The following WDR91 variants were observed in gnomAD, a reference collection of about 807,000 sequenced individuals.
WDR91 encodes WD repeat domain 91.
In WDR91, 52 loss-of-function variants were observed where a neutral mutation model predicts 88.4. The observed-to-expected ratio is 0.59, with a 90% CI of 0.47 to 0.74. WDR91 has a LOEUF of 0.74. Ranked by LOEUF, WDR91 falls within the 30% of genes least tolerant of loss-of-function variation. The probability of loss-of-function intolerance (pLI) is 0.00; values close to 1 mark genes in which losing one functional copy is unlikely to be tolerated. For missense variants in WDR91, 824 were observed against 954.5 expected, an observed-to-expected ratio of 0.86 and a Z score of 1.80; for synonymous variants, 362 against 389.5, an observed-to-expected ratio of 0.93 and a Z score of 0.83.
At chr7:135,206,337 T>C (rs1262746126) in intron 4 of WDR91, among the ~76,000 whole-genome samples, 1 of 151,930 alleles carries the variant, frequency 6.6e-6, no homozygotes, top group Non-Finnish European at 1.5e-5. Context: ...GAAAAATAGC[T>C]CCACCCAACC....
chr7:135,193,347 C>T lies in WDR91; in HGVS notation c.1543G>A (p.Ala515Thr), dbSNP rs377738102. ...PNGASFVCSA[A>T]APSLTSQVDF... ...ACCTGGGAAGTGAGGCTCGGAGCTGCTGCCGAACAGACGAAAGAGGCCCCG... is the reference window on the plus strand; with the variant it reads ...ACCTGGGAAGTGAGGCTCGGAGCTGTTGCCGAACAGACGAAAGAGGCCCCG... Residue 515 changes from alanine to threonine, a missense_variant, in exon 11 of 15, where the codon GCA becomes ACA. Coordinates refer to ENST00000354475, the MANE Select transcript of WDR91 (RefSeq NM_014149.4). 1.9e-6 allele frequency: 3 copies of T among 1,614,250 alleles called. No homozygotes were observed. The highest frequency in any genetic ancestry group is 2.5e-6 in the Non-Finnish European group (3 of 1,180,050).
chr7:135,201,803 T>C (rs1831580415), intron 6 of WDR91, among the ~76,000 whole-genome samples: 1 of 152,242 alleles, frequency 6.6e-6, no homozygotes, highest in Admixed American at 6.5e-5. Context: ...AGCAGTACAT[T>C]ATGAAAATGG....
Position 135,209,608 on chromosome 7 carries a change from G to C in WDR91, c.271C>G (p.Leu91Val), listed in dbSNP as rs781340503. ...GTGTAGACAAGATAAAATCGAAACA[G>C]GCTGGTTTTCAGCTTGTGGATTGTG... ...RPTIHKLKTS[L>V]FRFYLVYTIQ... Residue 91 changes from leucine (L) to valine (V), a missense_variant, in exon 2 of 15, where the codon CTG (leucine) becomes GTG (valine). By Grantham distance (32) the Leu-to-Val change is conservative. Transcript: ENST00000354475. 9.3e-6 allele frequency: 15 copies of C among 1,609,906 alleles called. No individual in the cohort carries two copies. Among genetic ancestry groups the C allele is most frequent in the Non-Finnish European group, 1.3e-5 (15 of 1,177,892 alleles).
chr7:135,191,548 T>C (rs1248560582), intron 11 of WDR91, among the ~76,000 whole-genome samples: 1 of 133,720 alleles, frequency 7.5e-6, no homozygotes, highest in Non-Finnish European at 1.5e-5. Flanking sequence ...GATGTTGTGC[T>C]GAGCAGAGAT....
At chr7:135,186,734 G>C (rs948759150) in intron 14 of WDR91, among the ~76,000 whole-genome samples, 1 of 152,224 alleles carries the variant, frequency 6.6e-6, no homozygotes, top group Non-Finnish European at 1.5e-5. Context: ...CTCCTGCCGG[G>C]GGGCCAGCCT....
At chr7:135,204,657 C>T (rs986147819) in intron 5 of WDR91, among the ~76,000 whole-genome samples, 4 of 152,140 alleles carry the variant, frequency 2.6e-5, no homozygotes, top group Non-Finnish European at 4.4e-5. Context: ...CTTTGAGGGT[C>T]ACAGTAAACT....
intron 1 of WDR91, 189 bp from the exon 2 acceptor site, chr7:135,209,944 G>A: frequency 2.1e-6 from 1 of 484,724 alleles, no homozygotes; most frequent in Non-Finnish European, 3.5e-6. Context: ...TAGAGAAGTG[G>A]TTTGACCCTC....
chr7:135,195,167 T>C, intron 8 of WDR91, 83 bp from the exon 9 acceptor site: 1 of 1,453,316 alleles, frequency 6.9e-7, no homozygotes, highest in Admixed American at 2.1e-5. Context: ...ATCACTTTCC[T>C]GACTTCCTTA....
chr7:135,189,253 A>G, intron 12 of WDR91, 91 bp downstream of exon 12: 2 of 1,115,836 alleles, frequency 1.8e-6, no homozygotes, highest in Non-Finnish European at 2.7e-6. Flanking sequence ...AAAAGCCTCT[A>G]GCCCAGCTGG....
rs750165534 is a variant in WDR91, at chr7:135,207,139, T to C, written c.575A>G (p.Asn192Ser). ...CQRTNQVQEE[N>S]EVLRQKLFAL... ...ACAAACCTTCTGACGCAGAACTTCA[T>C]TTTCTTCTTGAACCTGGTTAGTCCT... The change falls in exon 4 of 15, where the codon AAT becomes AGT. Residue 192 changes from asparagine to serine, a missense_variant. By Grantham distance (46) the Asn-to-Ser change is conservative. Transcript: ENST00000354475. 1.9e-6 allele frequency: 3 copies of C among 1,607,158 alleles called. No individual in the cohort carries two copies. The highest frequency in any genetic ancestry group is 2.2e-5 in the East Asian group (1 of 44,582).
At chr7:135,189,635 G>A (rs983812535) in intron 11 of WDR91, among the ~76,000 whole-genome samples, 183 bp from the exon 12 acceptor site, 16 of 152,178 alleles carry the variant, frequency 1.1e-4, no homozygotes, top group African/African-American at 3.9e-4. Flanking sequence ...GCTCTTTTGA[G>A]AACAAGTTCT....
intron 1 of WDR91, 84 bp downstream of exon 1, chr7:135,211,296 G>C: frequency 6.7e-7 from 1 of 1,500,452 alleles, no homozygotes; most frequent in Admixed American, 2.3e-5. Context: ...CGCCGCTCTC[G>C]CCCCGGAGGC....
chr7:135,187,547 T>TTAC (rs1830998221), intron 13 of WDR91, among the ~76,000 whole-genome samples: 1 of 151,990 alleles, frequency 6.6e-6, no homozygotes, highest in Non-Finnish European at 1.5e-5. Context: ...AAGTGACATA[T>TTAC]TATTATTATT....
Position 135,198,131 on chromosome 7 carries a change from C to T in WDR91, c.912G>A (p.Pro304=), listed in dbSNP as rs745459305. Residue 304 remains proline (P), a synonymous_variant, in exon 7 of 15, where the codon CCG becomes CCA. Coordinates refer to ENST00000354475, the MANE Select transcript of WDR91 (RefSeq NM_014149.4). ...TCTTCCCATCCTTGGCTCCGGACGT[C>T]GGGTCCTTTCCCTTGGTGCCCTAGA... is the stretch of plus-strand genomic sequence containing the variant. The part of the protein sequence containing the change: ...FGGQGTKGKD[P]TSGAKDGKSL... The T allele has an allele frequency of 9.3e-6, 15 of 1,613,162 alleles. No homozygotes were observed. The highest frequency in any genetic ancestry group is 5.3e-5 in the African/African-American group (4 of 74,916).
In WDR91 at chr7:135,193,224, CCCGTA is replaced by C. The variant is rs1219620766; in HGVS notation, c.1659+2_1659+6del. 2 of 1,612,980 alleles carry C rather than the reference CCCGTA, an allele frequency of 1.2e-6. No homozygotes were observed. On this transcript the variant is annotated splice_donor_variant and splice_donor_5th_base_variant and intron_variant, in intron 11 of 14. Coordinates refer to ENST00000354475, the MANE Select transcript of WDR91 (RefSeq NM_014149.4). LOFTEE classifies it high-confidence loss of function. Reference sequence around the variant, plus strand: ...GCCCCAGAGAGAGCCACAGGGCAGGCCCGTACCTGCTGCTTCATGGTTTTCGTGTC... The same window carrying C: ...GCCCCAGAGAGAGCCACAGGGCAGGCCCTGCTGCTTCATGGTTTTCGTGTC...
At chr7:135,209,528 A>G (rs768273071) in intron 2 of WDR91, 48 bp downstream of exon 2, 1 of 1,478,234 alleles carries the variant, frequency 6.8e-7, no homozygotes, top group Non-Finnish European at 9.0e-7. Flanking sequence ...TTTGGGATCA[A>G]AGAGCTCCTT....
At chr7:135,197,491 C>T (rs1225105461) in intron 7 of WDR91, 1 of 152,834 alleles carries the variant, frequency 6.5e-6, no homozygotes, top group South Asian at 2.1e-4. Flanking sequence ...GAGCCCAGGG[C>T]TCAGTACAGA....
At chr7:135,201,427 A>G (rs1831567094) in intron 6 of WDR91, 1 of 151,972 alleles carries the variant, frequency 6.6e-6, no homozygotes, top group Non-Finnish European at 1.5e-5. Flanking sequence ...CAGGCTTTCA[A>G]TACAAAAGCA....
chr7:135,193,730 G>C, intron 9 of WDR91, 58 bp from the exon 10 acceptor site: 1 of 1,499,822 alleles, frequency 6.7e-7, no homozygotes, highest in South Asian at 1.2e-5. Flanking sequence ...CTGAGTCAGG[G>C]AGGATCTCCA....
Sources: gnomAD v4.1 joint callset for allele counts (sites outside exome capture counted in the v4.1 genomes callset) on GRCh38, gnomAD v4.1.1 for gene constraint, MANE v1.5 for transcripts, NCBI Gene and HGNC (gene_info 2026-07-23, HGNC 2026-07-21) for gene names.